The following LEMD1 variants were observed in gnomAD, a reference collection of about 807,000 sequenced individuals.
The protein encoded by LEMD1 is LEM domain containing 1, also known as LEM domain-containing protein 1.
Under a neutral mutation model 17.4 loss-of-function variants are expected in LEMD1, and 18 were observed. The observed-to-expected ratio is 1.04, with a 90% CI of 0.72 to 1.54. LEMD1 has a LOEUF of 1.54. Ranked by LOEUF, LEMD1 falls within the 40% of genes most tolerant of loss-of-function variation. The pLI is 0.00. For synonymous variants in LEMD1, 88 were observed against 77.8 expected, an observed-to-expected ratio of 1.13 and a Z score of -0.69; for missense variants, 195 against 210.4, an observed-to-expected ratio of 0.93 and a Z score of 0.45.
chr1:205,443,057 G>A (rs1666321651), intron 1 of LEMD1, among the ~76,000 whole-genome samples: 1 of 152,218 alleles, frequency 6.6e-6, no homozygotes, highest in Non-Finnish European at 1.5e-5. Context: ...GGGAGGGAGG[G>A]CAGGTGGATT....
intron 4 of LEMD1, 82 bp from the exon 5 acceptor site, chr1:205,384,446 G>T: frequency 1.1e-6 from 1 of 899,612 alleles, no homozygotes. Flanking sequence ...TCTAGAAAAA[G>T]TCACATAATA....
intron 3 of LEMD1, among the ~76,000 whole-genome samples, chr1:205,418,118 G>A (rs576232054): frequency 6.6e-6 from 1 of 152,262 alleles, no homozygotes; most frequent in African/African-American, 2.4e-5. Flanking sequence ...CAGTGATGCT[G>A]GGCCAGTCAC....
rs1666447568 is a variant in LEMD1, at chr1:205,448,814, A to G, written c.-39+1054T>C. Among the ~76,000 whole-genome samples, 1 of 152,136 alleles carries G rather than the reference A, an allele frequency of 6.6e-6. No individual in the cohort carries two copies. Among genetic ancestry groups the G allele is most frequent in the Non-Finnish European group, 1.5e-5 (1 of 68,014 alleles). On this transcript the variant is annotated intron_variant, in intron 1 of 3. Transcript: ENST00000367154. This position sits in a 1 kb window ranked among gnomAD's most constrained non-coding sequence, Gnocchi z 4.7. Reference sequence around the variant, plus strand: ...CCCCAGGTTAGGCTCCCTCTTTACAAAGCTTAACTCTTTCTAGTCCAGCCA... The same window carrying G: ...CCCCAGGTTAGGCTCCCTCTTTACAGAGCTTAACTCTTTCTAGTCCAGCCA...
intron 4 of LEMD1, among the ~76,000 whole-genome samples, chr1:205,391,622 G>A (rs1194954453): frequency 6.6e-6 from 1 of 152,196 alleles, no homozygotes; most frequent in Non-Finnish European, 1.5e-5. Context: ...GCGCCTGGGT[G>A]GTGTCAATGG....
rs542240259 is a variant in LEMD1, at chr1:205,405,775, G to A, written c.270+10457C>T. Among the ~76,000 whole-genome samples the A allele has an allele frequency of 5.9e-4, 88 of 148,956 alleles. 1 individual carries two copies. The highest frequency in any genetic ancestry group is 4.3e-3 in the Admixed American group (65 of 14,972). ...TGCGTTCCTTTGGAGGAGGAGAGGC[G>A]CTCTGCTTTTTAGAGTTTCCAGTTT... On this transcript the variant is annotated intron_variant, in intron 4 of 5. Transcript: ENST00000367153.
At chr1:205,414,345 G>C (rs1043162872) in intron 4 of LEMD1, among the ~76,000 whole-genome samples, 2 of 151,952 alleles carry the variant, frequency 1.3e-5, no homozygotes, top group African/African-American at 2.4e-5. Flanking sequence ...TGCTTTGAGA[G>C]GCCAAGGCAA....
At chr1:205,382,126 C>T (rs567080704) in intron 5 of LEMD1, 189 of 432,716 alleles carry the variant, frequency 4.4e-4, no homozygotes, top group African/African-American at 3.4e-3. Flanking sequence ...GTCTGCCTCT[C>T]GAGTAGCTCG....
chr1:205,396,201 G>A (rs1413747020), intron 4 of LEMD1, among the ~76,000 whole-genome samples: 3 of 152,174 alleles, frequency 2.0e-5, no homozygotes, highest in Non-Finnish European at 2.9e-5. Flanking sequence ...TATTTTTAGA[G>A]ACAGGGTCTT....
intron 4 of LEMD1, among the ~76,000 whole-genome samples, chr1:205,389,033 C>CTTTTTTTTTTTTTTTT (rs1278093645): frequency 1.3e-5 from 1 of 77,090 alleles, no homozygotes; most frequent in Non-Finnish European, 2.7e-5. Context: ...AGTACATTTG[C>CTTTTTTTTTTTTTTTT]TTTCTTTTTT....
At chr1:205,444,684 G>C (rs912084882) in intron 1 of LEMD1, among the ~76,000 whole-genome samples, 1 of 152,146 alleles carries the variant, frequency 6.6e-6, no homozygotes, top group Non-Finnish European at 1.5e-5. Flanking sequence ...AAACTCCTAG[G>C]TGTCTCGAAT....
chr1:205,383,757 C>T (rs1222803579), intron 5 of LEMD1, among the ~76,000 whole-genome samples: 5 of 151,884 alleles, frequency 3.3e-5, no homozygotes, highest in East Asian at 3.9e-4. Flanking sequence ...CCTCAGCCTC[C>T]CGAGTAGCTG....
At chr1:205,406,505 A>C (rs12129316) in intron 4 of LEMD1, among the ~76,000 whole-genome samples, 46,436 of 151,996 alleles carry the variant, frequency 0.31, 7,273 homozygotes, top group African/African-American at 0.38. Context: ...TAGGACCCTC[A>C]CATCCAGGTG....
intron 1 of LEMD1, among the ~76,000 whole-genome samples, chr1:205,446,660 C>A (rs1021737057): frequency 2.6e-5 from 4 of 152,152 alleles, no homozygotes; most frequent in Non-Finnish European, 5.9e-5. Context: ...AAATCAGGTG[C>A]CTGGACAGCC....
rs1265782984 is a variant in LEMD1 at position 205,448,993 on chromosome 1, C to A, written c.-39+875G>T. Among the ~76,000 whole-genome samples the A allele has an allele frequency of 6.6e-6, 1 of 152,128 alleles. No individual in the cohort carries two copies. The highest frequency in any genetic ancestry group is 2.4e-5 in the African/African-American group (1 of 41,430). Reference sequence around the variant, plus strand: ...GACCAGTCTGGGTGGTTACCGACAACACCCATTCTTGCATAGTTTAGAGGA... The same window carrying A: ...GACCAGTCTGGGTGGTTACCGACAAAACCCATTCTTGCATAGTTTAGAGGA... On this transcript the variant is annotated intron_variant, in intron 1 of 3. Transcript: ENST00000367154. The surrounding 1 kb of genome is among the most constrained non-coding windows in gnomAD (Gnocchi z 4.7).
At chr1:205,445,063 C>T (rs994954324) in intron 1 of LEMD1, among the ~76,000 whole-genome samples, 9 of 152,164 alleles carry the variant, frequency 5.9e-5, no homozygotes, top group Admixed American at 2.0e-4. Context: ...TTCATCACTG[C>T]GAAGGGAAGC....
intron 3 of LEMD1, 37 bp downstream of exon 3, chr1:205,419,193 C>T: frequency 6.2e-7 from 1 of 1,607,788 alleles, no homozygotes; most frequent in Middle Eastern, 1.7e-4. Flanking sequence ...TTAATAAGTG[C>T]AAAGTTGCCA....
chr1:205,410,667 C>G (rs1229330647), intron 4 of LEMD1, among the ~76,000 whole-genome samples: 2 of 152,010 alleles, frequency 1.3e-5, no homozygotes, highest in African/African-American at 4.8e-5. Flanking sequence ...CATTTTACAG[C>G]CTGCGGCAAA....
At chr1:205,430,341 C>T (rs1374359738) in intron 1 of LEMD1, among the ~76,000 whole-genome samples, 5 of 152,282 alleles carry the variant, frequency 3.3e-5, no homozygotes, top group Admixed American at 6.5e-5. Flanking sequence ...TCAAATCAGA[C>T]CTGGATCTGA....
chr1:205,430,673 C>T (rs1415938610), intron 1 of LEMD1, among the ~76,000 whole-genome samples: 10 of 152,200 alleles, frequency 6.6e-5, no homozygotes, highest in Admixed American at 6.5e-4. Context: ...CGGTCTTCCA[C>T]ACGCACACCT....
Sources: allele counts gnomAD v4.1 joint callset (sites outside exome capture counted in the v4.1 genomes callset), GRCh38; gene constraint gnomAD v4.1.1; non-coding constraint Gnocchi (gnomAD v3.1); transcripts MANE v1.5; gene names NCBI Gene and HGNC (gene_info 2026-07-23, HGNC 2026-07-21).